The following WDR72 variants were observed in gnomAD, a reference collection of about 807,000 sequenced individuals.
The protein encoded by WDR72 is WD repeat domain 72, also known as WD repeat-containing protein 72.
Under a neutral mutation model 124.2 loss-of-function variants are expected in WDR72, and 120 were observed. The ratio of observed to expected loss-of-function variants is 0.97; its 90% CI spans 0.83 to 1.12. The LOEUF (loss-of-function observed/expected upper bound fraction) is 1.12. Ranked by LOEUF, WDR72 falls within the 50% of genes most tolerant of loss-of-function variation. The probability of loss-of-function intolerance (pLI) is 0.00; values close to 1 mark genes in which losing one functional copy is unlikely to be tolerated. For synonymous variants in WDR72, 452 were observed against 441.7 expected, an observed-to-expected ratio of 1.02 and a Z score of -0.29; for missense variants, 1,387 against 1,278.8, an observed-to-expected ratio of 1.08 and a Z score of -1.29.
At chr15:53,609,629 A>AT in intron 16 of WDR72, 37 bp from the exon 17 acceptor site, 1 of 1,552,990 alleles carries the variant, frequency 6.4e-7, no homozygotes, top group Non-Finnish European at 8.9e-7. Context: ...TCTTTAGAGT[A>AT]TTAAAAATGG....
chr15:53,532,665 G>T (rs1247637426), intron 18 of WDR72, among the ~76,000 whole-genome samples: 1 of 151,980 alleles, frequency 6.6e-6, no homozygotes, highest in Non-Finnish European at 1.5e-5. Context: ...GGATAAGAAG[G>T]GATGGTTAAT....
rs1334406422 is a variant in WDR72 at position 53,615,856 on chromosome 15, T to C, written c.2350A>G (p.Arg784Gly). 1.2e-6 allele frequency: 2 copies of C among 1,613,698 alleles called. No individual in the cohort carries two copies. The highest frequency in any genetic ancestry group is 1.1e-5 in the South Asian group (1 of 91,084). The change falls in exon 15 of 20, where the codon AGA becomes GGA. Residue 784 changes from arginine to glycine, a missense_variant. Arg to Gly is a moderately radical substitution (Grantham distance 125, BLOSUM62 -2). Coordinates refer to ENST00000360509, the MANE Select transcript of WDR72 (RefSeq NM_182758.4). ...ISKKMQPKPS[R>G]KVDASLTIDT... is the part of the protein sequence containing the mutation. ...ATTGTGAGACTGGCATCTACTTTTC[T>C]TGATGGCTTAGGCTGCATTTTTTTG...
At chr15:53,698,955 T>A (rs1222615671) in intron 13 of WDR72, among the ~76,000 whole-genome samples, 1 of 152,216 alleles carries the variant, frequency 6.6e-6, no homozygotes, top group Non-Finnish European at 1.5e-5. Context: ...CTAGTCATCA[T>A]CACTTACACA....
At chr15:53,625,184 CAAGT>C (rs1197717706) in intron 14 of WDR72, among the ~76,000 whole-genome samples, 9 of 152,260 alleles carry the variant, frequency 5.9e-5, no homozygotes, top group African/African-American at 2.2e-4. Context: ...AAGTCTAGAA[CAAGT>C]AATTAAAAGC....
At chr15:53,519,175 A>C (rs1749214361) in intron 19 of WDR72, among the ~76,000 whole-genome samples, 1 of 152,098 alleles carries the variant, frequency 6.6e-6, no homozygotes, top group African/African-American at 2.4e-5. Context: ...GTCACACTAA[A>C]TTTTCTATCA....
intron 1 of WDR72, among the ~76,000 whole-genome samples, chr15:53,745,341 T>G (rs2018618045): frequency 6.6e-6 from 1 of 152,166 alleles, no homozygotes; most frequent in Non-Finnish European, 1.5e-5. Context: ...TAGCAATACC[T>G]TTGAGAGTGT....
chr15:53,576,550 T>C (rs2011626988), intron 18 of WDR72, among the ~76,000 whole-genome samples: 3 of 152,116 alleles, frequency 2.0e-5, no homozygotes, highest in African/African-American at 7.2e-5. Context: ...CCTTTACTTA[T>C]TAGGTGAAAT....
intron 8 of WDR72, 53 bp downstream of exon 8, chr15:53,711,283 C>T (rs752402473): frequency 6.2e-7 from 1 of 1,613,202 alleles, no homozygotes; most frequent in African/African-American, 1.3e-5. Context: ...ATAAACCTCC[C>T]AAAGTTCATT....
Position 53,665,597 on chromosome 15 carries a change from C to T in WDR72, c.1937G>A (p.Gly646Asp). ...CTTACATGAAGACTCCACCTGCAGA[C>T]CAGGGCAAGGTAATGGCCCAAGCTG... ...PYQLGPLPCP[G>D]LQVESSCKVT... Residue 646 changes from glycine (G) to aspartate (D), a missense_variant, in exon 14 of 20, where the codon GGT (glycine) becomes GAT (aspartate). Physicochemically the swap from Gly to Asp is moderately conservative, Grantham distance 94 (BLOSUM62 -1). Coordinates refer to ENST00000360509, the MANE Select transcript of WDR72 (RefSeq NM_182758.4). The T allele has an allele frequency of 6.8e-6, 11 of 1,613,836 alleles. No homozygotes were observed. Among genetic ancestry groups the T allele is most frequent in the Non-Finnish European group, 9.3e-6 (11 of 1,179,834 alleles).
intron 14 of WDR72, among the ~76,000 whole-genome samples, chr15:53,655,350 T>C (rs904714724): frequency 6.6e-6 from 1 of 151,608 alleles, no homozygotes; most frequent in East Asian, 1.9e-4. Context: ...TAATTAACAA[T>C]TTTGGACTGA....
chr15:53,725,977 C>G (rs2140587321), intron 2 of WDR72, among the ~76,000 whole-genome samples: 1 of 151,394 alleles, frequency 6.6e-6, no homozygotes, highest in East Asian at 1.9e-4. Context: ...GAGGCTGAGG[C>G]AGTAGATTTG....
At chr15:53,627,053 TGAC>T (rs1412411419) in intron 14 of WDR72, among the ~76,000 whole-genome samples, 10 of 152,198 alleles carry the variant, frequency 6.6e-5, no homozygotes, top group Admixed American at 6.5e-4. Context: ...TTGTCTGATT[TGAC>T]TCTTTCTCCT....
At position 53,635,689 on chromosome 15, in the gene WDR72, G is replaced by T. The variant is rs561616631; in HGVS notation, c.1963-19446C>A. On this transcript the variant is annotated intron_variant, in intron 14 of 19. Coordinates refer to ENST00000360509, the MANE Select transcript of WDR72 (RefSeq NM_182758.4). ...AAACAACAGACACTGTGGACTACTG[G>T]GGGGGATGGAGGGAGATGGGGAAGG... Among the ~76,000 whole-genome samples, 7 of 152,138 alleles carry T rather than the reference G, an allele frequency of 4.6e-5. No homozygotes were observed. The East Asian group carries it at 7.7e-4, about 17-fold the overall frequency.
chr15:53,668,188 G>A (rs929787139), intron 13 of WDR72, among the ~76,000 whole-genome samples: 1 of 152,064 alleles, frequency 6.6e-6, no homozygotes, highest in African/African-American at 2.4e-5. Context: ...TTAGACACTC[G>A]GTTTTGTGTA....
intron 14 of WDR72, among the ~76,000 whole-genome samples, chr15:53,631,734 G>T (rs1162817486): frequency 2.0e-5 from 3 of 152,174 alleles, no homozygotes; most frequent in Non-Finnish European, 4.4e-5. Context: ...AGCAAAGAGG[G>T]TGGCTGTATT....
At chr15:53,586,958 C>A (rs2140325171) in intron 18 of WDR72, among the ~76,000 whole-genome samples, 1 of 151,956 alleles carries the variant, frequency 6.6e-6, no homozygotes, top group African/African-American at 2.4e-5. Flanking sequence ...GTCTAGAATC[C>A]CTTTCTCTAA....
chr15:53,703,957 G>C (rs1392853085), intron 11 of WDR72, among the ~76,000 whole-genome samples: 1 of 152,014 alleles, frequency 6.6e-6, no homozygotes, highest in African/African-American at 2.4e-5. Flanking sequence ...GATAAAAACT[G>C]CTAGGTCTTT....
chr15:53,696,272 A>G (rs1188626729), intron 13 of WDR72, among the ~76,000 whole-genome samples: 1 of 152,216 alleles, frequency 6.6e-6, no homozygotes, highest in Non-Finnish European at 1.5e-5. Flanking sequence ...CTAAAAGGCC[A>G]AGGCCCAGGA....
chr15:53,759,024 C>A (rs1325764422), intron 1 of WDR72, among the ~76,000 whole-genome samples: 1 of 151,928 alleles, frequency 6.6e-6, no homozygotes, highest in Non-Finnish European at 1.5e-5. Flanking sequence ...AAAGTCTTGT[C>A]CCCGCAGTCT....
Sources: gnomAD v4.1 joint callset for allele counts (sites outside exome capture counted in the v4.1 genomes callset) on GRCh38, gnomAD v4.1.1 for gene constraint, MANE v1.5 for transcripts, NCBI Gene and HGNC (gene_info 2026-07-23, HGNC 2026-07-21) for gene names.